Variants in SCUBE2 observed in about 807,000 individuals in gnomAD.
The protein encoded by SCUBE2 is signal peptide, CUB domain and EGF like domain containing 2.
In SCUBE2, 114 loss-of-function variants were observed where a neutral mutation model predicts 125.9. The ratio of observed to expected loss-of-function variants is 0.91; its 90% CI spans 0.78 to 1.06. The LOEUF is 1.06. Among genes scored for constraint, SCUBE2 ranks in the 50% least tolerant of loss-of-function variants. The pLI is 0.00. For synonymous variants in SCUBE2, 459 were observed against 492.9 expected (o/e 0.93, Z 0.91); for missense variants, 1,255 against 1,301.8 (o/e 0.96, Z 0.55).
Position 9,091,300 on chromosome 11 carries a change from G to A in SCUBE2, c.133+96C>T, listed in dbSNP as rs1862698506. ...GCGGAGCTGCAGCCGCCAGCCCCGAGCCCCGCGCGCCCGGCTCTGGACTCC... is the reference window on the plus strand; with the variant it reads ...GCGGAGCTGCAGCCGCCAGCCCCGAACCCCGCGCGCCCGGCTCTGGACTCC... On this transcript the variant is annotated intron_variant, in intron 1 of 22. Transcript: ENST00000649792. The surrounding 1 kb of genome is among the most constrained non-coding windows in gnomAD (Gnocchi z 8.5). The A allele has an allele frequency of 2.2e-6, 2 of 900,170 alleles. No individual in the cohort carries two copies. The highest frequency in any genetic ancestry group is 5.0e-5 in the South Asian group (1 of 20,040). The allele number at this position is 900,170 out of a possible 1,614,324, so 55.8% of individuals were successfully genotyped here.
chr11:9,024,807 A>G (rs1196742520), intron 21 of SCUBE2, among the ~76,000 whole-genome samples: 1 of 152,228 alleles, frequency 6.6e-6, no homozygotes, highest in Non-Finnish European at 1.5e-5. Flanking sequence ...CTAAAAGCTC[A>G]TGTAAAATTA....
intron 13 of SCUBE2, 35 bp downstream of exon 13, chr11:9,052,711 A>G (rs1425293817): frequency 1.4e-6 from 2 of 1,451,308 alleles, no homozygotes; most frequent in Non-Finnish European, 1.9e-6. Context: ...GAACACAGTG[A>G]GCCCCCAGAG....
chr11:9,073,932 G>A (rs954863184), intron 4 of SCUBE2, among the ~76,000 whole-genome samples: 6 of 152,190 alleles, frequency 3.9e-5, no homozygotes, highest in African/African-American at 1.2e-4. Context: ...ATGATAAATG[G>A]TGACGTAGGC....
rs191848812 is a variant in SCUBE2 at position 9,048,842 on chromosome 11, A to C, written c.1640-744T>G. Among the ~76,000 whole-genome samples the C allele has an allele frequency of 7.2e-5, 11 of 152,310 alleles. No individual in the cohort carries two copies. In the East Asian group the frequency reaches 1.7e-3, roughly 24 times the overall value. ...AATTTGTCTCTATTTCAAAATCTTT[A>C]TTGAAATGAAGTATTGCCTGTATCA... On this transcript the variant is annotated intron_variant, in intron 14 of 22. Coordinates refer to ENST00000649792, the MANE Select transcript of SCUBE2 (RefSeq NM_001367977.2).
At chr11:9,022,176 C>T (rs1001703051) in intron 21 of SCUBE2, 3 of 515,818 alleles carry the variant, frequency 5.8e-6, no homozygotes, top group African/African-American at 5.8e-5. Context: ...TCCCCTCTTC[C>T]CTCAGACGAG....
chr11:9,088,313 C>A (rs1209305322), intron 2 of SCUBE2, among the ~76,000 whole-genome samples: 1 of 152,300 alleles, frequency 6.6e-6, no homozygotes, highest in South Asian at 2.1e-4. Flanking sequence ...CATGGTGAAA[C>A]CCCGTCTGTC....
chr11:9,065,183 A>T (rs1734220892), intron 7 of SCUBE2: 1 of 152,100 alleles, frequency 6.6e-6, no homozygotes, highest in Admixed American at 6.6e-5. Context: ...TGAGCATCCC[A>T]ACTGATATGG....
rs1590073068 is a variant in SCUBE2, at chr11:9,053,341, T to C, written c.1331-126A>G. The stretch of plus-strand genomic sequence containing the variant: ...TAGAGCTCATGCCCAGCACAGAACA[T>C]AGATGCTAGGCCTTATTCCCACCAA... On this transcript the variant is annotated intron_variant, in intron 11 of 22. Coordinates refer to ENST00000649792, the MANE Select transcript of SCUBE2 (RefSeq NM_001367977.2). 6 of 817,866 alleles carry C rather than the reference T, an allele frequency of 7.3e-6. No individual in the cohort carries two copies. In the South Asian group the frequency reaches 1.0e-4, roughly 14 times the overall value. The allele number at this position is 817,866 out of a possible 1,614,324, so 50.7% of individuals were successfully genotyped here. A position where few individuals can be genotyped will look rare whatever the true frequency, so the allele number is the denominator to read the frequency against.
At chr11:9,063,252 AAG>A (rs112899258) in intron 7 of SCUBE2, among the ~76,000 whole-genome samples, 3,825 of 152,204 alleles carry the variant, frequency 0.025, 167 homozygotes, top group African/African-American at 0.087. Context: ...TCTCAAAAAA[AAG>A]AAAGAAAAAG....
At chr11:9,047,905 G>A (rs779655188) in intron 15 of SCUBE2, 38 bp downstream of exon 15, 13 of 1,573,902 alleles carry the variant, frequency 8.3e-6, no homozygotes, top group East Asian at 4.5e-5. Context: ...GGAGCAAGCC[G>A]TGAGAAGCCT....
intron 9 of SCUBE2, among the ~76,000 whole-genome samples, chr11:9,056,912 A>G (rs964240490): frequency 3.3e-5 from 5 of 152,226 alleles, no homozygotes; most frequent in Non-Finnish European, 7.3e-5. Flanking sequence ...TGTGGAAGGA[A>G]CAGGAAGAAT....
At chr11:9,088,174 G>C (rs1410876482) in intron 2 of SCUBE2, among the ~76,000 whole-genome samples, 1 of 152,244 alleles carries the variant, frequency 6.6e-6, no homozygotes, top group Non-Finnish European at 1.5e-5. Context: ...AATGGCACCA[G>C]AATAGACACT....
rs1859565258 is a variant in SCUBE2, at chr11:9,060,481, C to T, written c.894G>A (p.Lys298=). ...TGCAGTGGACACCTGTCGAAGTATC[C>T]TTACAGGTGCGGTCACAGCCTCCAT... ...VNNGGCDRTC[K]DTSTGVHCSC... Residue 298 remains lysine, a synonymous_variant, in exon 8 of 23, where the codon AAG becomes AAA. Coordinates refer to ENST00000649792, the MANE Select transcript of SCUBE2 (RefSeq NM_001367977.2). 3.1e-6 allele frequency: 5 copies of T among 1,613,986 alleles called. No individual in the cohort carries two copies. Among genetic ancestry groups the T allele is most frequent in the African/African-American group, 2.7e-5 (2 of 74,934 alleles).
intron 4 of SCUBE2, among the ~76,000 whole-genome samples, chr11:9,074,110 G>A (rs1202326471): frequency 6.6e-6 from 1 of 152,168 alleles, no homozygotes; most frequent in East Asian, 1.9e-4. Flanking sequence ...CCCAGAGCAG[G>A]GAGCAGGCTC....
intron 21 of SCUBE2, chr11:9,025,494 A>G: frequency 3.8e-6 from 2 of 527,828 alleles, no homozygotes; most frequent in South Asian, 4.8e-5. Flanking sequence ...CTCACTTTTA[A>G]TATATTTTAT....
rs1379357987 is a variant in SCUBE2, at chr11:9,069,425, G to A, written c.588C>T (p.Val196=). The A allele has an allele frequency of 5.6e-6, 9 of 1,614,118 alleles. No homozygotes were observed. Among genetic ancestry groups the A allele is most frequent in the African/African-American group, 2.7e-5 (2 of 74,952 alleles). The change falls in exon 5 of 23, where the codon GTC becomes GTT. Residue 196 remains valine (V), a synonymous_variant. Transcript: ENST00000649792. ...CAAAACCAGGCCTGCACTCACAGGC[G>A]ACGCTGCCCCTTGGGGCCTCCTTGC... is the stretch of plus-strand genomic sequence containing the variant. ...HICKEAPRGS[V]ACECRPGFEL...
intron 16 of SCUBE2, among the ~76,000 whole-genome samples, chr11:9,043,486 T>C (rs1278003697): frequency 6.6e-6 from 1 of 152,022 alleles, no homozygotes; most frequent in African/African-American, 2.4e-5. Flanking sequence ...GCCATCTTGT[T>C]AAAATTGATC....
intron 3 of SCUBE2, among the ~76,000 whole-genome samples, chr11:9,075,764 T>C (rs939627018): frequency 2.0e-5 from 3 of 152,188 alleles, no homozygotes; most frequent in Non-Finnish European, 2.9e-5. Flanking sequence ...CAGCTAGCGC[T>C]AGTGGCGACA....
chr11:9,036,360 G>A (rs1012265158), intron 16 of SCUBE2, among the ~76,000 whole-genome samples: 6 of 152,132 alleles, frequency 3.9e-5, no homozygotes, highest in Non-Finnish European at 8.8e-5. Context: ...CATCTCTCAT[G>A]TAAAGCTGGG....
Sources: allele counts gnomAD v4.1 joint callset (sites outside exome capture counted in the v4.1 genomes callset), GRCh38; gene constraint gnomAD v4.1.1; non-coding constraint Gnocchi (gnomAD v3.1); transcripts MANE v1.5; gene names NCBI Gene and HGNC (gene_info 2026-07-23, HGNC 2026-07-21).